The following RNF181 variants were observed in gnomAD, a reference collection of about 807,000 sequenced individuals.
RNF181 encodes the protein ring finger protein 181.
In RNF181, 25 loss-of-function variants were observed where a neutral mutation model predicts 23.3. That is an observed-to-expected ratio of 1.07 (90% CI 0.78 to 1.50). The LOEUF (loss-of-function observed/expected upper bound fraction) is 1.50, where lower values mean the gene tolerates loss of function less well. RNF181 is among the 40% of genes most tolerant of loss of function. The probability of loss-of-function intolerance (pLI) is 0.00; values close to 1 mark genes in which losing one functional copy is unlikely to be tolerated. For missense variants in RNF181, 167 were observed against 191.1 expected, an observed-to-expected ratio of 0.87 and a Z score of 0.74; for synonymous variants, 62 against 70.9, an observed-to-expected ratio of 0.87 and a Z score of 0.63.
intron 1 of RNF181, 25 bp downstream of exon 1, chr2:85,595,874 G>C: frequency 1.2e-6 from 2 of 1,607,408 alleles, no homozygotes; most frequent in Non-Finnish European, 1.7e-6. Flanking sequence ...CTTGGGGATA[G>C]GGTCCAACCA....
At chr2:85,595,889 G>T in intron 1 of RNF181, 40 bp downstream of exon 1, 1 of 1,580,290 alleles carries the variant, frequency 6.3e-7, no homozygotes, top group Non-Finnish European at 8.7e-7. Flanking sequence ...CAACCAGCAG[G>T]TTTCTGGGCT....
chr2:85,595,833 C>A lies in RNF181; in HGVS notation c.70C>A (p.Leu24Met). The change falls in exon 1 of 5, where the codon CTG becomes ATG. Residue 24 changes from leucine (L) to methionine (M), a missense_variant. Leu to Met is a conservative substitution (Grantham distance 15, BLOSUM62 2). Coordinates refer to ENST00000306368, the MANE Select transcript of RNF181 (RefSeq NM_016494.4). ...TGAGCAGGAGACGCGAACCAACATG[C>A]TGCTGGAGCTCGCAAGGTGGGTGCG... ...DPEQETRTNM[L>M]LELARSLFNR... 1 of 1,613,960 alleles carries A rather than the reference C, an allele frequency of 6.2e-7. No individual in the cohort carries two copies. Among genetic ancestry groups the A allele is most frequent in the Non-Finnish European group, 8.5e-7 (1 of 1,179,946 alleles).
chr2:85,596,758 C>T, intron 2 of RNF181, 64 bp from the exon 3 acceptor site: 1 of 1,608,962 alleles, frequency 6.2e-7, no homozygotes, highest in Non-Finnish European at 8.5e-7. Context: ...AAGTGTCCTT[C>T]AGGAGTGGGA....
chr2:85,597,685 C>A lies in RNF181; in HGVS notation c.*181C>A. 1 of 1,249,026 alleles carries A rather than the reference C, an allele frequency of 8.0e-7. No homozygotes were observed. Among genetic ancestry groups the A allele is most frequent in the Non-Finnish European group, 1.1e-6 (1 of 939,170 alleles). The allele number at this position is 1,249,026 out of a possible 1,614,324, so 77.4% of individuals were successfully genotyped here. On this transcript the variant is annotated 3_prime_UTR_variant, in exon 5 of 5. Transcript: ENST00000306368. ...ATCCTAAATCGCAGAAGGCACCAGG[C>A]TGCGGTTTTCCTCCCTGCTGGCCCA...
At chr2:85,597,342 C>T (rs574544113) in intron 4 of RNF181, 103 bp from the exon 5 acceptor site, 165 of 1,449,152 alleles carry the variant, frequency 1.1e-4, no homozygotes, top group Non-Finnish European at 1.0e-4. Flanking sequence ...GCAATGCAGA[C>T]GCCAGAGGCC....
In RNF181 at chr2:85,596,691, C is replaced by T. The variant is rs759927730; in HGVS notation, c.217+42C>T. On this transcript the variant is annotated intron_variant, in intron 2 of 4. Coordinates refer to ENST00000306368, the MANE Select transcript of RNF181 (RefSeq NM_016494.4). ...TTTCTGCTATTTGGGCCAGACCCAC[C>T]CCTTCCCCAAGCCAGACTGTGGTCT... The T allele has an allele frequency of 1.9e-6, 3 of 1,613,770 alleles. 1 individual carries two copies. Among genetic ancestry groups the T allele is most frequent in the South Asian group, 2.2e-5 (2 of 91,078 alleles).
Position 85,595,797 on chromosome 2 carries a change from C to A in RNF181, c.34C>A (p.Pro12Thr), listed in dbSNP as rs759644682. The A allele has an allele frequency of 1.1e-5, 17 of 1,613,928 alleles. No homozygotes were observed. The East Asian group carries it at 3.1e-4, about 30-fold the overall frequency. ...ASYFDEHDCE[P>T]SDPEQETRTN... The stretch of plus-strand genomic sequence containing the variant: ...CTATTTCGATGAACACGACTGCGAG[C>A]CGTCGGACCCTGAGCAGGAGACGCG... The change falls in exon 1 of 5, where the codon CCG (proline) becomes ACG (threonine). Residue 12 changes from proline to threonine, a missense_variant. Pro to Thr is a conservative substitution (Grantham distance 38, BLOSUM62 -1). Transcript: ENST00000306368.
chr2:85,596,685 A>T, intron 2 of RNF181, 36 bp downstream of exon 2: 2 of 1,613,538 alleles, frequency 1.2e-6, no homozygotes, highest in Non-Finnish European at 1.7e-6. Context: ...TTTGGGCCAG[A>T]CCCACCCCTT....
chr2:85,597,365 C>A, intron 4 of RNF181, 80 bp from the exon 5 acceptor site: 1 of 1,515,010 alleles, frequency 6.6e-7, no homozygotes, highest in South Asian at 1.3e-5. Context: ...AAAACAGAGC[C>A]AGCCCCATAA....
rs1362751928 is a variant in RNF181 at position 85,597,475 on chromosome 2, G to C, written c.433G>C (p.Glu145Gln). The C allele has an allele frequency of 2.5e-6, 4 of 1,612,658 alleles. No individual in the cohort carries two copies. In the Admixed American group the frequency reaches 6.7e-5, roughly 27 times the overall value. ...AAAACAGCAGCAGCAACACCGACTGGAGAACCTCCATGGAGCCATGTACAC... is the reference window on the plus strand; with the variant it reads ...AAAACAGCAGCAGCAACACCGACTGCAGAACCTCCATGGAGCCATGTACAC... ...ARKQQQQHRL[E>Q]NLHGAMYT The change falls in exon 5 of 5, where the codon GAG (glutamate) becomes CAG (glutamine). Residue 145 changes from glutamate (E) to glutamine (Q), a missense_variant. Coordinates refer to ENST00000306368, the MANE Select transcript of RNF181 (RefSeq NM_016494.4).
At position 85,596,635 on chromosome 2, in the gene RNF181, G is replaced by A. The variant is rs768824504; in HGVS notation, c.203G>A (p.Arg68Lys). 5 of 1,613,906 alleles carry A rather than the reference G, an allele frequency of 3.1e-6. No individual in the cohort carries two copies. The highest frequency in any genetic ancestry group is 4.2e-6 in the Non-Finnish European group (5 of 1,179,826). ...VVENLPRTVI[R>K]GSQAELKCPV... is the part of the protein sequence containing the mutation. ...GAGAACCTCCCCAGGACAGTCATCA[G>A]AGGCTCTCAGGCTGGTGAGGACACT... Residue 68 changes from arginine to lysine, a missense_variant, in exon 2 of 5, where the codon AGA (arginine) becomes AAA (lysine). Coordinates refer to ENST00000306368, the MANE Select transcript of RNF181 (RefSeq NM_016494.4).
At position 85,596,505 on chromosome 2, in the gene RNF181, A is replaced by G; in HGVS notation, c.87-14A>G. 1 of 1,587,314 alleles carries G rather than the reference A, an allele frequency of 6.3e-7. No individual in the cohort carries two copies. ...TAGTTTTCCTTTGTTCTGACTTTAC[A>G]TCCCCTTCCCCAGGTCACTTTTCAA... On this transcript the variant is annotated splice_polypyrimidine_tract_variant and intron_variant, in intron 1 of 4. Transcript: ENST00000306368.
rs753315293 is a variant in RNF181, at chr2:85,596,579, C to G, written c.147C>G (p.His49Gln). 1.5e-5 allele frequency: 24 copies of G among 1,613,992 alleles called. No individual in the cohort carries two copies. The highest frequency in any genetic ancestry group is 2.0e-5 in the Non-Finnish European group (24 of 1,179,972). Residue 49 changes from histidine (H) to glutamine (Q), a missense_variant, in exon 2 of 5, where the codon CAC becomes CAG. By Grantham distance (24) the His-to-Gln change is conservative. Coordinates refer to ENST00000306368, the MANE Select transcript of RNF181 (RefSeq NM_016494.4). ...DLGLVVDWDH[H>Q]LPPPAAKTVV... ...GGTTGGTAGTAGATTGGGACCACCACCTGCCTCCACCAGCTGCCAAGACTG... is the reference window on the plus strand; with the variant it reads ...GGTTGGTAGTAGATTGGGACCACCAGCTGCCTCCACCAGCTGCCAAGACTG...
At chr2:85,595,895 G>C (rs763100097) in intron 1 of RNF181, 46 bp downstream of exon 1, 7 of 1,549,072 alleles carry the variant, frequency 4.5e-6, no homozygotes, top group Admixed American at 1.7e-5. Context: ...GCAGGTTTCT[G>C]GGCTGGGGCT....
intron 3 of RNF181, 29 bp downstream of exon 3, chr2:85,596,960 C>T (rs374611938): frequency 9.2e-5 from 149 of 1,614,018 alleles, no homozygotes; most frequent in Non-Finnish European, 1.2e-4. Flanking sequence ...TAGCTCTCAC[C>T]GTGCCCTGGG....
rs1485056857 is a variant in RNF181 at position 85,597,603 on chromosome 2, G to A, written c.*99G>A. 9 of 1,544,148 alleles carry A rather than the reference G, an allele frequency of 5.8e-6. No individual in the cohort carries two copies. In the South Asian group the frequency reaches 1.1e-4, roughly 19 times the overall value. On this transcript the variant is annotated 3_prime_UTR_variant, in exon 5 of 5. Transcript: ENST00000306368. Reference sequence around the variant, plus strand: ...CCACCCTGAGGCTGTATTGATCACAGACCTGGCCAGGGGCTCTGCATCCTC... The same window carrying A: ...CCACCCTGAGGCTGTATTGATCACAAACCTGGCCAGGGGCTCTGCATCCTC...
chr2:85,597,392 C>T lies in RNF181; in HGVS notation c.403-53C>T, dbSNP rs187426485. 67 of 1,552,702 alleles carry T rather than the reference C, an allele frequency of 4.3e-5. No homozygotes were observed. The Admixed American group carries it at 1.2e-3, about 27-fold the overall frequency. ...GCCCCATAATAGCTGCCCATCCCCTCACCCATAGGCCTTCAGTTTTGGCCC... is the reference window on the plus strand; with the variant it reads ...GCCCCATAATAGCTGCCCATCCCCTTACCCATAGGCCTTCAGTTTTGGCCC... On this transcript the variant is annotated intron_variant, in intron 4 of 4. Transcript: ENST00000306368.
chr2:85,595,993 G>C, intron 1 of RNF181, 144 bp downstream of exon 1: 1 of 727,922 alleles, frequency 1.4e-6, no homozygotes, highest in Non-Finnish European at 2.4e-6. Flanking sequence ...GCGAGACTGA[G>C]GGGTGTGGGG....
chr2:85,597,598 T>A lies in RNF181; in HGVS notation c.*94T>A. On this transcript the variant is annotated 3_prime_UTR_variant, in exon 5 of 5. Coordinates refer to ENST00000306368, the MANE Select transcript of RNF181 (RefSeq NM_016494.4). ...TTTACCCACCCTGAGGCTGTATTGATCACAGACCTGGCCAGGGGCTCTGCA... is the reference window on the plus strand; with the variant it reads ...TTTACCCACCCTGAGGCTGTATTGAACACAGACCTGGCCAGGGGCTCTGCA... 1 of 1,562,298 alleles carries A rather than the reference T, an allele frequency of 6.4e-7. No individual in the cohort carries two copies. The highest frequency in any genetic ancestry group is 8.6e-7 in the Non-Finnish European group (1 of 1,156,802).
Sources: allele counts gnomAD v4.1 joint callset, GRCh38; gene constraint gnomAD v4.1.1; transcripts MANE v1.5; gene names NCBI Gene and HGNC (gene_info 2026-07-23, HGNC 2026-07-21).